PALS2: variants seen among roughly 807,000 people sequenced by gnomAD.
PALS2 encodes protein associated with LIN7 2, MAGUK p55 family member.
PALS2 carries 27 observed loss-of-function variants against 61.6 expected under a neutral mutation model. The ratio of observed to expected loss-of-function variants is 0.44; its 90% CI spans 0.32 to 0.60. PALS2 has a LOEUF of 0.60. PALS2 is among the 20% of genes least tolerant of loss of function. PALS2 has a pLI of 0.05. For missense variants in PALS2, 554 were observed against 639.4 expected (o/e 0.87, Z 1.44); for synonymous variants, 236 against 218.6 (o/e 1.08, Z -0.70).
Position 24,679,303 on chromosome 7 carries a change from A to G in PALS2, c.1287A>G (p.Gly429=). ...IDSILEVVQT[G]RTCILDVNPQ... is the part of the protein sequence containing the mutation. ...CTATTCTTGAGGTTGTCCAAACTGG[A>G]CGGACTTGCATTCTGGATGTCAACC... Residue 429 remains glycine (G), a synonymous_variant, in exon 10 of 12, where the codon GGA becomes GGG. Transcript: ENST00000222644. 3 of 1,614,016 alleles carry G rather than the reference A, an allele frequency of 1.9e-6. No homozygotes were observed. The highest frequency in any genetic ancestry group is 2.5e-6 in the Non-Finnish European group (3 of 1,179,916).
At chr7:24,633,078 T>C (rs1254826581) in intron 2 of PALS2, among the ~76,000 whole-genome samples, 2 of 152,118 alleles carry the variant, frequency 1.3e-5, no homozygotes, top group African/African-American at 2.4e-5. Flanking sequence ...ATCAAATACA[T>C]TGTTGTGAAT....
chr7:24,662,646 G>C (rs1054090348), intron 5 of PALS2, among the ~76,000 whole-genome samples: 6 of 151,880 alleles, frequency 4.0e-5, no homozygotes, highest in African/African-American at 1.5e-4. Context: ...GCACACGCCT[G>C]TAATTTCAGC....
intron 9 of PALS2, among the ~76,000 whole-genome samples, chr7:24,675,285 T>G: frequency 6.6e-6 from 1 of 152,174 alleles, no homozygotes; most frequent in South Asian, 2.1e-4. Context: ...ATTTTTAAAA[T>G]TAATGTTCAC....
intron 1 of PALS2, among the ~76,000 whole-genome samples, chr7:24,592,853 G>A (rs146578212): frequency 1.3e-4 from 20 of 152,038 alleles, no homozygotes; most frequent in Admixed American, 6.6e-4. Flanking sequence ...TGCTGGTGGA[G>A]GGTCTTACCT....
chr7:24,666,186 T>A (rs1787008532), intron 8 of PALS2, 97 bp downstream of exon 8: 2 of 1,064,694 alleles, frequency 1.9e-6, no homozygotes, highest in East Asian at 4.8e-5. Flanking sequence ...GTGAGTGTAA[T>A]TCAGATTAGT....
chr7:24,607,542 CGTGTATATATGTAT>C (rs1410870343), intron 1 of PALS2, among the ~76,000 whole-genome samples: 4 of 148,734 alleles, frequency 2.7e-5, no homozygotes, highest in Admixed American at 6.7e-5. Context: ...TATATATACA[CGTGTATATATGTAT>C]GTGTATATAT....
Position 24,690,862 on chromosome 7 carries a change from G to A in PALS2, c.*3248G>A, listed in dbSNP as rs112038394. The A allele has an allele frequency of 6.6e-6, 1 of 152,120 alleles. No homozygotes were observed. Among genetic ancestry groups the A allele is most frequent in the African/African-American group, 2.4e-5 (1 of 41,436 alleles). The allele number at this position is 152,120 out of a possible 1,614,324, so 9.4% of individuals were successfully genotyped here. ...TACAGCATTAGTAGCCTAAATCCTA[G>A]ATTCTAGAATCCAATAAATTTATAG... On this transcript the variant is annotated 3_prime_UTR_variant, in exon 12 of 12. Coordinates refer to ENST00000222644, the MANE Select transcript of PALS2 (RefSeq NM_001303037.2).
At chr7:24,658,171 A>G (rs542903686) in intron 5 of PALS2, among the ~76,000 whole-genome samples, 2 of 152,110 alleles carry the variant, frequency 1.3e-5, no homozygotes, top group East Asian at 1.9e-4. Context: ...TTTCAAGTTT[A>G]CTAATCTTTT....
intron 9 of PALS2, among the ~76,000 whole-genome samples, chr7:24,674,924 T>C (rs1787482956): frequency 6.6e-6 from 1 of 152,188 alleles, no homozygotes; most frequent in African/African-American, 2.4e-5. Flanking sequence ...GAAGAGCAGC[T>C]AAAATTGAGA....
At chr7:24,686,379 C>T (rs572357700) in intron 11 of PALS2, among the ~76,000 whole-genome samples, 1 of 152,274 alleles carries the variant, frequency 6.6e-6, no homozygotes, top group South Asian at 2.1e-4. Flanking sequence ...TCCTCCATGA[C>T]TTACCTTGTT....
At chr7:24,575,086 G>T (rs1441250673) in intron 1 of PALS2, among the ~76,000 whole-genome samples, 3 of 152,130 alleles carry the variant, frequency 2.0e-5, no homozygotes, top group Non-Finnish European at 4.4e-5. Context: ...TGCACGATGT[G>T]TTACTCTTTA....
At chr7:24,622,332 C>G (rs1210686573) in intron 1 of PALS2, among the ~76,000 whole-genome samples, 1 of 151,952 alleles carries the variant, frequency 6.6e-6, no homozygotes, top group Non-Finnish European at 1.5e-5. Context: ...TTTAGATCTT[C>G]TTTCATTCTT....
intron 3 of PALS2, among the ~76,000 whole-genome samples, chr7:24,644,310 C>G (rs1377128400): frequency 3.9e-5 from 6 of 151,954 alleles, no homozygotes; most frequent in Non-Finnish European, 7.4e-5. Context: ...TCTTGTTGTT[C>G]ATAAGTTCTT....
intron 2 of PALS2, among the ~76,000 whole-genome samples, chr7:24,629,022 G>C (rs557723399): frequency 2.6e-5 from 4 of 151,944 alleles, no homozygotes; most frequent in Non-Finnish European, 4.4e-5. Context: ...AAAAAGAGCC[G>C]GTATAGCCTA....
At chr7:24,575,331 C>G (rs981024877) in intron 1 of PALS2, among the ~76,000 whole-genome samples, 9 of 152,198 alleles carry the variant, frequency 5.9e-5, no homozygotes, top group Middle Eastern at 3.4e-3. Flanking sequence ...TCTAGTAGCT[C>G]TATATAAGAC....
chr7:24,657,698 A>T (rs193011745), intron 5 of PALS2, among the ~76,000 whole-genome samples: 1 of 152,138 alleles, frequency 6.6e-6, no homozygotes, highest in African/African-American at 2.4e-5. Context: ...GAAGTTCTGA[A>T]TTTTGATGAA....
intron 9 of PALS2, among the ~76,000 whole-genome samples, chr7:24,670,140 C>A (rs1432774422): frequency 2.0e-5 from 3 of 152,140 alleles, no homozygotes; most frequent in Admixed American, 6.5e-5. Flanking sequence ...GACTTCCTGA[C>A]TGTCCTTCCA....
chr7:24,668,764 G>A (rs1231679335), intron 9 of PALS2, 104 bp downstream of exon 9: 7 of 1,390,780 alleles, frequency 5.0e-6, no homozygotes, highest in East Asian at 2.3e-5. Context: ...TCCCAAATAA[G>A]TTTTCTTTAT....
At chr7:24,641,124 CAG>C (rs1785531302) in intron 2 of PALS2, among the ~76,000 whole-genome samples, 4 of 150,104 alleles carry the variant, frequency 2.7e-5, no homozygotes, top group Admixed American at 2.7e-4. Flanking sequence ...CTTATAAAGA[CAG>C]ATGATCATTT....
Sources: gnomAD v4.1 joint callset for allele counts (sites outside exome capture counted in the v4.1 genomes callset) on GRCh38, gnomAD v4.1.1 for gene constraint, MANE v1.5 for transcripts, NCBI Gene and HGNC (gene_info 2026-07-23, HGNC 2026-07-21) for gene names.